Variants in MTCL1 observed in about 807,000 individuals in gnomAD.
MTCL1 encodes the protein microtubule cross-linking factor 1.
Under a neutral mutation model 141.4 loss-of-function variants are expected in MTCL1, and 79 were observed. That is an observed-to-expected ratio of 0.56 (90% CI 0.47 to 0.67). The LOEUF (loss-of-function observed/expected upper bound fraction) is 0.67, where lower values mean the gene tolerates loss of function less well. Among genes scored for constraint, MTCL1 ranks in the 30% least tolerant of loss-of-function variants. The pLI is 0.00. For synonymous variants in MTCL1, 914 were observed against 875.8 expected (o/e 1.04, Z -0.77); for missense variants, 2,177 against 2,113.9 (o/e 1.03, Z -0.59).
chr18:8,768,776 ATTCTT>A (rs2096471107), intron 4 of MTCL1, among the ~76,000 whole-genome samples: 1 of 144,254 alleles, frequency 6.9e-6, no homozygotes, highest in Admixed American at 6.9e-5. Context: ...GTGGGAACAG[ATTCTT>A]TTCTTCTCTT....
In MTCL1 at chr18:8,775,834, C is replaced by G. The variant is rs180793045; in HGVS notation, c.358-1999C>G. ...CCTGCTCCATGATGATTCTGTGACC[C>G]TCTTCAGCCCTCTGCTCGGAGGGCC... On this transcript the variant is annotated intron_variant, in intron 4 of 16. Coordinates refer to ENST00000359865, the Ensembl canonical transcript of MTCL1. Among the ~76,000 whole-genome samples, 3 of 152,260 alleles carry G rather than the reference C, an allele frequency of 2.0e-5. No homozygotes were observed. In the East Asian group the frequency reaches 5.8e-4, roughly 29 times the overall value.
chr18:8,762,668 G>A (rs499956), intron 4 of MTCL1, among the ~76,000 whole-genome samples: 40,476 of 152,178 alleles, frequency 0.27, 5,678 homozygotes, highest in East Asian at 0.43. Context: ...AACCCCCACA[G>A]GGGTGGCAAC....
In MTCL1 at chr18:8,828,545, A is replaced by C. The variant is rs72942349; in HGVS notation, c.4723-363A>C. On this transcript the variant is annotated intron_variant, in intron 15 of 16. Transcript: ENST00000359865. This position sits in a 1 kb window ranked among gnomAD's most constrained non-coding sequence, Gnocchi z 5.2. ...ATAGTCTCTGTTTTAGATACCAGTC[A>C]TGCAATTTCCATATCTCTGTTTGCC... Among the ~76,000 whole-genome samples, 1 of 152,224 alleles carries C rather than the reference A, an allele frequency of 6.6e-6. No homozygotes were observed. The highest frequency in any genetic ancestry group is 1.5e-5 in the Non-Finnish European group (1 of 68,034).
chr18:8,807,827 G>A (rs377124698), intron 11 of MTCL1, among the ~76,000 whole-genome samples: 1 of 152,156 alleles, frequency 6.6e-6, no homozygotes, highest in Admixed American at 6.5e-5. Flanking sequence ...TTGATCATGA[G>A]GAGGGAGGGA....
chr18:8,829,230 T>G, intron 16 of MTCL1: 1 of 985,428 alleles, frequency 1.0e-6, no homozygotes, highest in Non-Finnish European at 1.2e-6. Flanking sequence ...TTTTGTACAT[T>G]TGCAGCCAAT....
intron 8 of MTCL1, among the ~76,000 whole-genome samples, chr18:8,795,580 A>G (rs1004690051): frequency 6.6e-6 from 1 of 152,230 alleles, no homozygotes; most frequent in Admixed American, 6.5e-5. Flanking sequence ...TTTCTTTTTC[A>G]GTGACACTTT....
chr18:8,739,918 AGGTG>A (rs2096293319), intron 4 of MTCL1, among the ~76,000 whole-genome samples: 1 of 152,136 alleles, frequency 6.6e-6, no homozygotes, highest in Non-Finnish European at 1.5e-5. Flanking sequence ...TTTTTAGTAG[AGGTG>A]GGGTTTCACC....
At chr18:8,742,418 G>T (rs1203087631) in intron 4 of MTCL1, among the ~76,000 whole-genome samples, 1 of 152,200 alleles carries the variant, frequency 6.6e-6, no homozygotes, top group Non-Finnish European at 1.5e-5. Context: ...CATGGCTGGG[G>T]AGGCCTTAGG....
At chr18:8,718,102 T>C (rs2096141919) in intron 2 of MTCL1, 1 of 689,886 alleles carries the variant, frequency 1.4e-6, no homozygotes, top group African/African-American at 1.8e-5. Context: ...TGGTTTGAAT[T>C]GAAAGGTTCA....
chr18:8,824,772 C>G, exon 15 of MTCL1: 2 of 1,614,170 alleles, frequency 1.2e-6, no homozygotes, highest in Non-Finnish European at 1.7e-6. Context: ...TGAGAAGGGC[C>G]TGCCGTCCAC....
chr18:8,785,230 G>A, intron 6 of MTCL1, among the ~76,000 whole-genome samples: 1 of 152,126 alleles, frequency 6.6e-6, no homozygotes, highest in East Asian at 1.9e-4. Flanking sequence ...CCGTGAGGAG[G>A]CTAAGACAAA....
chr18:8,707,863 A>G (rs1211152679), intron 1 of MTCL1, among the ~76,000 whole-genome samples: 1 of 152,226 alleles, frequency 6.6e-6, no homozygotes, highest in African/African-American at 2.4e-5. Context: ...ATCAGAGCAC[A>G]TTAACTGCTG....
At chr18:8,720,277 TAG>T in intron 3 of MTCL1, 59 bp from the exon 3 acceptor site, 1 of 1,562,410 alleles carries the variant, frequency 6.4e-7, no homozygotes, top group Non-Finnish European at 8.8e-7. Flanking sequence ...TGTTGTCTGA[TAG>T]TACCCTTAGC....
intron 7 of MTCL1, among the ~76,000 whole-genome samples, chr18:8,788,198 T>C (rs1024012580): frequency 6.6e-6 from 1 of 152,182 alleles, no homozygotes; most frequent in African/African-American, 2.4e-5. Flanking sequence ...GACACCTTCA[T>C]GCAGACTGAG....
At chr18:8,726,655 C>T (rs1048966025) in intron 4 of MTCL1, among the ~76,000 whole-genome samples, 1 of 152,100 alleles carries the variant, frequency 6.6e-6, no homozygotes, top group African/African-American at 2.4e-5. Context: ...TCAGGGCTTC[C>T]ACATATGAAT....
At chr18:8,774,651 C>G (rs2096498282) in intron 4 of MTCL1, among the ~76,000 whole-genome samples, 1 of 152,146 alleles carries the variant, frequency 6.6e-6, no homozygotes, top group Admixed American at 6.5e-5. Flanking sequence ...CGACGCCCAG[C>G]TAATTTTTGT....
intron 15 of MTCL1, 44 bp downstream of exon 14, chr18:8,826,276 C>T: frequency 1.4e-6 from 2 of 1,465,846 alleles, no homozygotes; most frequent in Non-Finnish European, 1.8e-6. Flanking sequence ...ACCAGCTCTT[C>T]CCTTTAGCTG....
chr18:8,761,796 A>T (rs1376067219), intron 4 of MTCL1, among the ~76,000 whole-genome samples: 1 of 152,208 alleles, frequency 6.6e-6, no homozygotes, highest in Non-Finnish European at 1.5e-5. Context: ...CTTATTCATT[A>T]TCACGAGAAC....
At chr18:8,819,373 C>A in intron 13 of MTCL1, 114 bp downstream of exon 12, 1 of 1,034,810 alleles carries the variant, frequency 9.7e-7, no homozygotes, top group Non-Finnish European at 1.4e-6. Context: ...CTTTTGCATA[C>A]AGCAACCTCC....
Sources: allele counts gnomAD v4.1 joint callset (sites outside exome capture counted in the v4.1 genomes callset), GRCh38; gene constraint gnomAD v4.1.1; non-coding constraint Gnocchi (gnomAD v3.1); transcripts MANE v1.5; gene names NCBI Gene and HGNC (gene_info 2026-07-23, HGNC 2026-07-21).